ZNF33A: variants seen among roughly 807,000 people sequenced by gnomAD.
ZNF33A encodes the protein brain my041 protein.
Under a neutral mutation model 15.9 loss-of-function variants are expected in ZNF33A, and 9 were observed. The ratio of observed to expected loss-of-function variants is 0.57; its 90% confidence interval spans 0.34 to 0.99. The LOEUF (loss-of-function observed/expected upper bound fraction) is 0.99. Among genes scored for constraint, ZNF33A ranks in the 50% least tolerant of loss-of-function variants. The pLI is 0.02. For missense variants in ZNF33A, 843 were observed against 941.6 expected (o/e 0.90, Z 1.37); for synonymous variants, 294 against 324.2 (o/e 0.91, Z 1.00).
At chr10:38,037,643 A>G (rs1212054490) in intron 4 of ZNF33A, among the ~76,000 whole-genome samples, 3 of 152,170 alleles carry the variant, frequency 2.0e-5, no homozygotes, top group African/African-American at 7.2e-5. Flanking sequence ...ATTTTTCAAC[A>G]TTAAATTGTG....
intron 4 of ZNF33A, among the ~76,000 whole-genome samples, chr10:38,032,679 T>C (rs747449041): frequency 7.2e-5 from 11 of 152,092 alleles, no homozygotes; most frequent in Admixed American, 1.3e-4. Context: ...CTCAAACTCC[T>C]GACCTCAGGT....
At position 38,012,362 on chromosome 10, in the gene ZNF33A, A is replaced by G. The variant is rs201942330; in HGVS notation, c.9+12A>G. ...ACAAAATGAACAAGGTAAGTTGTTT[A>G]TTAATTCCCTACTTTATTTTGCAGT... On this transcript the variant is annotated intron_variant, in intron 2 of 4. Transcript: ENST00000432900. The G allele has an allele frequency of 3.7e-6, 6 of 1,603,824 alleles. No homozygotes were observed. The highest frequency in any genetic ancestry group is 4.3e-6 in the Non-Finnish European group (5 of 1,174,016).
chr10:38,019,675 TA>T (rs1230888377), intron 4 of ZNF33A, among the ~76,000 whole-genome samples: 2 of 152,322 alleles, frequency 1.3e-5, no homozygotes, highest in East Asian at 3.9e-4. Context: ...AAGGCATTAT[TA>T]GACAGGGAAG....
At chr10:38,048,213 A>AATATTGACT (rs2066043372) in intron 4 of ZNF33A, among the ~76,000 whole-genome samples, 1 of 152,210 alleles carries the variant, frequency 6.6e-6, no homozygotes, top group African/African-American at 2.4e-5. Context: ...AAGGACAGGA[A>AATATTGACT]ATATTGACTA....
chr10:38,014,181 A>ACCT (rs2135535225), intron 2 of ZNF33A, among the ~76,000 whole-genome samples: 1 of 151,310 alleles, frequency 6.6e-6, no homozygotes, highest in South Asian at 2.1e-4. Context: ...AGCTGAAATT[A>ACCT]CAGGCACGCG....
intron 4 of ZNF33A, among the ~76,000 whole-genome samples, chr10:38,032,273 A>G (rs2065246633): frequency 6.6e-6 from 1 of 152,192 alleles, no homozygotes; most frequent in African/African-American, 2.4e-5. Context: ...TGTAAGAACA[A>G]TACATAATAT....
chr10:38,012,373 A>C, intron 2 of ZNF33A, 23 bp downstream of exon 2: 1 of 1,603,982 alleles, frequency 6.2e-7, no homozygotes, highest in Non-Finnish European at 8.5e-7. Flanking sequence ...TTAATTCCCT[A>C]CTTTATTTTG....
intron 4 of ZNF33A, among the ~76,000 whole-genome samples, chr10:38,048,074 G>A (rs1315257871): frequency 6.6e-6 from 1 of 152,178 alleles, no homozygotes; most frequent in Non-Finnish European, 1.5e-5. Context: ...AGTAAAAATA[G>A]CTATAAGAAA....
chr10:38,056,922 C>G lies in ZNF33A; in HGVS notation c.*362C>G. On this transcript the variant is annotated 3_prime_UTR_variant, in exon 5 of 5. Transcript: ENST00000432900. ...ATTGTGGAATGTAAAGCTTTAAGAACTTAAACAAAGGTAATAATTAAAATA... is the reference window on the plus strand; with the variant it reads ...ATTGTGGAATGTAAAGCTTTAAGAAGTTAAACAAAGGTAATAATTAAAATA... 1 of 960,600 alleles carries G rather than the reference C, an allele frequency of 1.0e-6. No individual in the cohort carries two copies. Among genetic ancestry groups the G allele is most frequent in the Non-Finnish European group, 1.2e-6 (1 of 803,690 alleles). 59.5% of individuals were successfully genotyped at this position (960,600 alleles called of 1,614,324 possible).
intron 2 of ZNF33A, among the ~76,000 whole-genome samples, chr10:38,014,514 T>G (rs1251001767): frequency 6.6e-6 from 1 of 152,260 alleles, no homozygotes; most frequent in Non-Finnish European, 1.5e-5. Context: ...TACATCTCTT[T>G]CATTGGAATG....
At chr10:38,052,338 C>G (rs572610707) in intron 4 of ZNF33A, among the ~76,000 whole-genome samples, 46 of 152,064 alleles carry the variant, frequency 3.0e-4, no homozygotes, top group Non-Finnish European at 5.7e-4. Context: ...TCAATTGGAA[C>G]TTGAAATTTT....
At position 38,055,178 on chromosome 10, in the gene ZNF33A, A is replaced by G; in HGVS notation, c.1054A>G (p.Thr352Ala). Residue 352 changes from threonine (T) to alanine (A), a missense_variant, in exon 5 of 5, where the codon ACA becomes GCA. Transcript: ENST00000432900. ...TCTCACTCGACATCAGAGGGTGCAC[A>G]CAGGACAGAAACCCTTTCAATGTAA... ...SHLTRHQRVH[T>A]GQKPFQCNEC... 7 of 1,614,172 alleles carry G rather than the reference A, an allele frequency of 4.3e-6. No individual in the cohort carries two copies. Among genetic ancestry groups the G allele is most frequent in the Non-Finnish European group, 5.9e-6 (7 of 1,179,996 alleles).
At chr10:38,050,597 A>G (rs1181183918) in intron 4 of ZNF33A, among the ~76,000 whole-genome samples, 1 of 152,208 alleles carries the variant, frequency 6.6e-6, no homozygotes, top group Non-Finnish European at 1.5e-5. Flanking sequence ...TGGTCTGTGT[A>G]GTATGGCCTG....
At chr10:38,010,824 C>G (rs1212729084) in intron 1 of ZNF33A, 41 bp downstream of exon 1, 1 of 1,595,528 alleles carries the variant, frequency 6.3e-7, no homozygotes, top group East Asian at 2.2e-5. Context: ...GAGGGAGCCC[C>G]GCGCGACTCC....
At chr10:38,023,132 G>C (rs1261238530) in intron 4 of ZNF33A, among the ~76,000 whole-genome samples, 2 of 152,108 alleles carry the variant, frequency 1.3e-5, no homozygotes, top group African/African-American at 4.8e-5. Context: ...TTTTAGTAGA[G>C]ACGGGGTTTC....
intron 4 of ZNF33A, among the ~76,000 whole-genome samples, chr10:38,042,310 C>G (rs1321163651): frequency 6.6e-6 from 1 of 151,686 alleles, no homozygotes; most frequent in Non-Finnish European, 1.5e-5. Context: ...CTCAGCCTCC[C>G]GAGTAGCTGG....
intron 4 of ZNF33A, among the ~76,000 whole-genome samples, chr10:38,045,181 G>C (rs1475809574): frequency 6.6e-6 from 1 of 152,186 alleles, no homozygotes; most frequent in Non-Finnish European, 1.5e-5. Flanking sequence ...TCTAGGGCTT[G>C]TTGTTATTTA....
intron 4 of ZNF33A, among the ~76,000 whole-genome samples, chr10:38,037,907 A>G (rs1247208690): frequency 6.6e-6 from 1 of 152,148 alleles, no homozygotes; most frequent in East Asian, 1.9e-4. Flanking sequence ...TTCTCCAAAA[A>G]GGCAGATGGG....
At position 38,055,985 on chromosome 10, in the gene ZNF33A, A is replaced by G. The variant is rs1490366353; in HGVS notation, c.1861A>G (p.Lys621Glu). The G allele has an allele frequency of 6.2e-6, 10 of 1,613,932 alleles. No individual in the cohort carries two copies. The highest frequency in any genetic ancestry group is 3.3e-5 in the Admixed American group (2 of 59,996). The change falls in exon 5 of 5, where the codon AAG becomes GAG. Residue 621 changes from lysine (K) to glutamate (E), a missense_variant. Transcript: ENST00000432900. ...TGAATGTGGAAAAGCCTTCTACCAG[A>G]AGTCACAACTCACTCAGCATCAGAG... ...CNECGKAFYQ[K>E]SQLTQHQRIH...
Sources: gnomAD v4.1 joint callset for allele counts (sites outside exome capture counted in the v4.1 genomes callset) on GRCh38, gnomAD v4.1.1 for gene constraint, MANE v1.5 for transcripts, NCBI Gene and HGNC (gene_info 2026-07-23, HGNC 2026-07-21) for gene names.